PELP1: variants seen among roughly 807,000 people sequenced by gnomAD.
The protein encoded by PELP1 is proline, glutamate and leucine rich protein 1.
Under a neutral mutation model 95.5 loss-of-function variants are expected in PELP1, and 32 were observed. The ratio of observed to expected loss-of-function variants is 0.34; its 90% CI spans 0.25 to 0.45. The LOEUF (loss-of-function observed/expected upper bound fraction) is 0.45, where lower values mean the gene tolerates loss of function less well. PELP1 is among the 20% of genes least tolerant of loss of function. The pLI, the probability that PELP1 is intolerant of heterozygous loss-of-function variation, is 1.00. For synonymous variants in PELP1, 668 were observed against 600.1 expected, an observed-to-expected ratio of 1.11 and a Z score of -1.65; for missense variants, 1,358 against 1,444.8, an observed-to-expected ratio of 0.94 and a Z score of 0.97.
chr17:4,702,297 T>C (rs1913570769), intron 1 of PELP1, among the ~76,000 whole-genome samples: 1 of 152,130 alleles, frequency 6.6e-6, no homozygotes, highest in Non-Finnish European at 1.5e-5. Context: ...CGCATGCCTG[T>C]GGTCCCAGCT....
rs1912189851 is a variant in PELP1, at chr17:4,671,337, G to A, written c.*102C>T. On this transcript the variant is annotated 3_prime_UTR_variant, in exon 17 of 17. Coordinates refer to ENST00000572293, the MANE Select transcript of PELP1 (RefSeq NM_014389.3). ...ACCCTGAAAAGCCCAGCAGACACTTGAGCTTCTGGCTGGGGACCCAGGTGT... is the reference window on the plus strand; with the variant it reads ...ACCCTGAAAAGCCCAGCAGACACTTAAGCTTCTGGCTGGGGACCCAGGTGT... The A allele has an allele frequency of 4.2e-6, 3 of 718,948 alleles. No individual in the cohort carries two copies. Among genetic ancestry groups the A allele is most frequent in the Admixed American group, 4.3e-5 (2 of 46,800 alleles). The allele number at this position is 718,948 out of a possible 1,614,324, so 44.5% of individuals were successfully genotyped here.
chr17:4,690,866 A>T (rs1913073031), intron 3 of PELP1, 22 bp downstream of exon 3: 1 of 1,471,624 alleles, frequency 6.8e-7, no homozygotes, highest in Non-Finnish European at 9.5e-7. Flanking sequence ...AGGAGGAAGT[A>T]GGGCAGCAGC....
intron 5 of PELP1, among the ~76,000 whole-genome samples, chr17:4,678,979 C>T (rs926436127): frequency 2.6e-5 from 4 of 152,120 alleles, no homozygotes; most frequent in African/African-American, 4.8e-5. Context: ...TGCTGGCAAC[C>T]GACAAAGCCA....
At position 4,671,988 on chromosome 17, in the gene PELP1, A is replaced by G. The variant is rs3862485; in HGVS notation, c.3003T>C (p.Pro1001=). 0.93 allele frequency: 1,436,237 copies of G among 1,545,536 alleles called. 671,852 individuals carry two copies. Among genetic ancestry groups the G allele is most frequent in the East Asian group, 1 (44,355 of 44,384 alleles). Reference sequence around the variant, plus strand: ...CCACTTCCAAAAGCAGCCCGGGTTCAGGTTCGGGTTCTGGCTGCACCTTTG... The same window carrying G: ...CCACTTCCAAAAGCAGCCCGGGTTCGGGTTCGGGTTCTGGCTGCACCTTTG... The part of the protein sequence containing the change: ...SPPKVQPEPE[P]EPGLLLEVEE... The change falls in exon 16 of 17, where the codon CCT becomes CCC. Residue 1001 remains proline, a synonymous_variant. Transcript: ENST00000572293.
chr17:4,701,193 A>AT (rs1913515770), intron 1 of PELP1, among the ~76,000 whole-genome samples: 4 of 152,208 alleles, frequency 2.6e-5, no homozygotes, highest in Admixed American at 2.6e-4. Flanking sequence ...GAGAGAGGTT[A>AT]TAAGTATATG....
At position 4,672,799 on chromosome 17, in the gene PELP1, C is replaced by T. The variant is rs202062234; in HGVS notation, c.2192G>A (p.Arg731Gln). ...PRLLPGPENH[R>Q]AGSNEDPILA... is the part of the protein sequence containing the mutation. ...GATGGGGTCCTCATTTGAGCCTGCC[C>T]GGTGGTTCTCAGGGCCAGGAAGAAG... Residue 731 changes from arginine (R) to glutamine (Q), a missense_variant, in exon 16 of 17, where the codon CGG becomes CAG. By Grantham distance (43) the Arg-to-Gln change is conservative (BLOSUM62 1). Coordinates refer to ENST00000572293, the MANE Select transcript of PELP1 (RefSeq NM_014389.3). The T allele has an allele frequency of 4.9e-4, 790 of 1,613,696 alleles. 1 individual carries two copies. The highest frequency in any genetic ancestry group is 7.9e-4 in the South Asian group (72 of 91,040).
rs1400186440 is a variant in PELP1, at chr17:4,704,054, C to T, written c.58G>A (p.Gly20Arg). Residue 20 changes from glycine to arginine, a missense_variant, in exon 1 of 17, where the codon GGG becomes AGG. Coordinates refer to ENST00000572293, the MANE Select transcript of PELP1 (RefSeq NM_014389.3). Reference protein sequence around the residue: ...SAGSAAGVPGGTGGLSAVSSG... With the variant: ...SAGSAAGVPGRTGGLSAVSSG... The stretch of plus-strand genomic sequence containing the variant: ...CTCACTGCCGAGAGACCCCCGGTCC[C>T]GCCAGGAACCCCAGCCGCGGAGCCC... 6.2e-7 allele frequency: 1 copy of T among 1,612,374 alleles called. No individual in the cohort carries two copies. The highest frequency in any genetic ancestry group is 8.5e-7 in the Non-Finnish European group (1 of 1,179,580).
intron 1 of PELP1, among the ~76,000 whole-genome samples, chr17:4,699,685 C>G (rs1007667862): frequency 6.6e-6 from 1 of 151,892 alleles, no homozygotes; most frequent in Non-Finnish European, 1.5e-5. Context: ...CTCCCAGGCT[C>G]AAGCAATTCT....
At chr17:4,689,075 C>G (rs1395490087) in intron 3 of PELP1, among the ~76,000 whole-genome samples, 1 of 152,136 alleles carries the variant, frequency 6.6e-6, no homozygotes, top group Non-Finnish European at 1.5e-5. Context: ...TTCAACAAAG[C>G]AAACAAAAAC....
rs2150553964 is a variant in PELP1, at chr17:4,674,935, A to G, written c.1296T>C (p.Tyr432=). Residue 432 remains tyrosine, a synonymous_variant, in exon 12 of 17, where the codon TAT becomes TAC. Transcript: ENST00000572293. ...RPYSTVRTKV[Y]AILELWVQVC... Reference sequence around the variant, plus strand: ...CCTGCACCCACAGCTCTAATATCGCATACACCTTGGTCCGAACCGTGCTGT... The same window carrying G: ...CCTGCACCCACAGCTCTAATATCGCGTACACCTTGGTCCGAACCGTGCTGT... The G allele has an allele frequency of 6.2e-7, 1 of 1,613,012 alleles. No homozygotes were observed. Among genetic ancestry groups the G allele is most frequent in the South Asian group, 1.1e-5 (1 of 91,030 alleles).
At chr17:4,694,736 G>A (rs557906586) in intron 1 of PELP1, among the ~76,000 whole-genome samples, 5 of 151,780 alleles carry the variant, frequency 3.3e-5, no homozygotes, top group African/African-American at 1.2e-4. Context: ...ACTTTGGGGG[G>A]CCGAGGCAGG....
rs769818141 is a variant in PELP1, at chr17:4,674,590, A to G, written c.1502T>C (p.Val501Ala). 2 of 1,609,980 alleles carry G rather than the reference A, an allele frequency of 1.2e-6. No individual in the cohort carries two copies. The highest frequency in any genetic ancestry group is 2.2e-5 in the South Asian group (2 of 90,600). ...GCTTGGCGGGGCCATAGCTTCCCCCACATCCAGCTTTAGCTTCTTGGGGGC... is the reference window on the plus strand; with the variant it reads ...GCTTGGCGGGGCCATAGCTTCCCCCGCATCCAGCTTTAGCTTCTTGGGGGC... ...PSAPKKLKLD[V>A]GEAMAPPSHR... is the part of the protein sequence containing the mutation. Residue 501 changes from valine (V) to alanine (A), a missense_variant, in exon 13 of 17, where the codon GTG becomes GCG. By Grantham distance (64) the Val-to-Ala change is moderately conservative. Around this residue, in one of 7 missense-constraint regions of PELP1, gnomAD observed 538 missense variants for 628.1 expected, o/e 0.86. Transcript: ENST00000572293.
Position 4,671,903 on chromosome 17 carries a change from C to A in PELP1, c.3088G>T (p.Ala1030Ser). Residue 1030 changes from alanine to serine, a missense_variant, in exon 16 of 17, where the codon GCG becomes TCG. Transcript: ENST00000572293. ...TCCACCTCTCCCTGGGAGGGGAGCG[C>A]TTCAGGGGCCAGGGTGGGAGCTGTG... ...ADTAPTLAPE[A>S]LPSQGEVERE... 4 of 1,514,896 alleles carry A rather than the reference C, an allele frequency of 2.6e-6. No homozygotes were observed. Among genetic ancestry groups the A allele is most frequent in the Non-Finnish European group, 3.5e-6 (4 of 1,135,306 alleles). 93.8% of individuals were successfully genotyped at this position (1,514,896 alleles called of 1,614,324 possible).
rs1462500824 is a variant in PELP1, at chr17:4,703,966, G to A, written c.146C>T (p.Thr49Met). Residue 49 changes from threonine (T) to methionine (M), a missense_variant, in exon 1 of 17, where the codon ACG (threonine) becomes ATG (methionine). By Grantham distance (81) the Thr-to-Met change is moderately conservative (BLOSUM62 -1). Transcript: ENST00000572293. ...ESVSGLLQPR[T>M]GSAVAPVHPP... is the part of the protein sequence containing the mutation. ...ATGCACCGGAGCAACGGCAGACCCCGTTCGAGGTTGCAGCAAACCAGAAAC... is the reference window on the plus strand; with the variant it reads ...ATGCACCGGAGCAACGGCAGACCCCATTCGAGGTTGCAGCAAACCAGAAAC... 3 of 1,613,482 alleles carry A rather than the reference G, an allele frequency of 1.9e-6. No homozygotes were observed. The highest frequency in any genetic ancestry group is 4.5e-5 in the East Asian group (2 of 44,886).
At position 4,674,567 on chromosome 17, in the gene PELP1, T is replaced by C. The variant is rs753354553; in HGVS notation, c.1525A>G (p.Ser509Gly). The stretch of plus-strand genomic sequence containing the variant: ...GCATTGCTATCCCCTTTCCGGTGGC[T>C]TGGCGGGGCCATAGCTTCCCCCACA... Reference protein sequence around the residue: ...LDVGEAMAPPSHRKGDSNANS... With the variant: ...LDVGEAMAPPGHRKGDSNANS... Residue 509 changes from serine (S) to glycine (G), a missense_variant, in exon 13 of 17, where the codon AGC (serine) becomes GGC (glycine). This residue lies in a region of PELP1 where 538 missense variants were observed against 628.1 expected (regional missense o/e 0.86). Coordinates refer to ENST00000572293, the MANE Select transcript of PELP1 (RefSeq NM_014389.3). 1.2e-6 allele frequency: 2 copies of C among 1,612,660 alleles called. No individual in the cohort carries two copies. Among genetic ancestry groups the C allele is most frequent in the Non-Finnish European group, 1.7e-6 (2 of 1,179,448 alleles).
chr17:4,690,675 T>C (rs1472921735), intron 3 of PELP1, among the ~76,000 whole-genome samples: 3 of 152,036 alleles, frequency 2.0e-5, no homozygotes, highest in African/African-American at 7.2e-5. Flanking sequence ...TGAGCCAAGA[T>C]CATGCCACTG....
Position 4,691,685 on chromosome 17 carries a change from T to C in PELP1, c.250-243A>G, listed in dbSNP as rs1484126340. 3.7e-5 allele frequency: 19 copies of C among 514,434 alleles called. No homozygotes were observed. In the East Asian group the frequency reaches 6.0e-4, roughly 16 times the overall value. The allele number at this position is 514,434 out of a possible 1,614,324, so 31.9% of individuals were successfully genotyped here. On this transcript the variant is annotated intron_variant, in intron 1 of 16. Coordinates refer to ENST00000572293, the MANE Select transcript of PELP1 (RefSeq NM_014389.3). The stretch of plus-strand genomic sequence containing the variant: ...TCCTTCCCTCCATGCCCCACCCAAG[T>C]AGTGCCAAACACAGGACAGCCCAAC...
In PELP1 at chr17:4,704,129, T is replaced by C. The variant is rs773270646; in HGVS notation, c.-18A>G. 4 of 1,599,446 alleles carry C rather than the reference T, an allele frequency of 2.5e-6. No individual in the cohort carries two copies. Among genetic ancestry groups the C allele is most frequent in the African/African-American group, 1.3e-5 (1 of 74,734 alleles). On this transcript the variant is annotated 5_prime_UTR_variant, in exon 1 of 17. Transcript: ENST00000572293. ...GCCGCCATCTTCCCCCGGGTTCCAG[T>C]GGTGGCGTGGCGCGATGACGCAAAC... is the stretch of plus-strand genomic sequence containing the variant.
rs1912282989 is a variant in PELP1 at position 4,672,817 on chromosome 17, G to T, written c.2174C>A (p.Pro725His). ...GCCTGCCCGGTGGTTCTCAGGGCCA[G>T]GAAGAAGCCGGGGAGGGACAGACAC... ...GLVSVPPRLLPGPENHRAGSN... is the reference protein window; with the variant it reads ...GLVSVPPRLLHGPENHRAGSN... Residue 725 changes from proline (P) to histidine (H), a missense_variant, in exon 16 of 17, where the codon CCT becomes CAT. Physicochemically the swap from Pro to His is moderately conservative, Grantham distance 77. This residue lies in a region of PELP1 where 340 missense variants were observed against 322.9 expected (regional missense o/e 1.05). Coordinates refer to ENST00000572293, the MANE Select transcript of PELP1 (RefSeq NM_014389.3). 4 of 1,613,774 alleles carry T rather than the reference G, an allele frequency of 2.5e-6. No homozygotes were observed. The highest frequency in any genetic ancestry group is 2.5e-6 in the Non-Finnish European group (3 of 1,179,842).
Sources: gnomAD v4.1 joint callset for allele counts (sites outside exome capture counted in the v4.1 genomes callset) on GRCh38, gnomAD v4.1.1 for gene constraint, gnomAD v4.1.1 regional missense constraint, MANE v1.5 for transcripts, NCBI Gene and HGNC (gene_info 2026-07-23, HGNC 2026-07-21) for gene names.